Variants in CACNA2D3 observed in about 807,000 individuals in gnomAD.
CACNA2D3 encodes voltage-dependent calcium channel subunit alpha-2/delta-3.
In CACNA2D3, 60 loss-of-function variants were observed where a neutral mutation model predicts 160.6. That is an observed-to-expected ratio of 0.37 (90% CI 0.30 to 0.46). CACNA2D3 has a LOEUF of 0.46. CACNA2D3 is among the 20% of genes least tolerant of loss of function. The pLI is 1.00. For synonymous variants in CACNA2D3, 558 were observed against 492.9 expected, an observed-to-expected ratio of 1.13 and a Z score of -1.75; for missense variants, 1,205 against 1,365.0, an observed-to-expected ratio of 0.88 and a Z score of 1.85.
intron 35 of CACNA2D3, among the ~76,000 whole-genome samples, chr3:55,034,663 A>G (rs779885722): frequency 2.6e-5 from 4 of 152,052 alleles, no homozygotes; most frequent in Admixed American, 6.6e-5. Flanking sequence ...GAACAATATT[A>G]TAAATACTAT....
chr3:54,424,065 G>A (rs1002172686), intron 4 of CACNA2D3, among the ~76,000 whole-genome samples: 2 of 151,854 alleles, frequency 1.3e-5, no homozygotes, highest in African/African-American at 2.4e-5. Context: ...ATGTTTTCCG[G>A]GTTTTTGTTT....
chr3:54,950,568 T>G lies in CACNA2D3; in HGVS notation c.2450-17882T>G, dbSNP rs1322528833. Among the ~76,000 whole-genome samples, 3 of 152,150 alleles carry G rather than the reference T, an allele frequency of 2.0e-5. No individual in the cohort carries two copies. In the East Asian group the frequency reaches 5.8e-4, roughly 29 times the overall value. The stretch of plus-strand genomic sequence containing the variant: ...TCCTGTTTCCCAGCCTACCAGCAAT[T>G]CAAAGAATGCTGCTTGATCAAAGAA... On this transcript the variant is annotated intron_variant, in intron 27 of 37. Transcript: ENST00000474759.
intron 27 of CACNA2D3, 149 bp downstream of exon 27, chr3:54,900,017 C>T: frequency 1.6e-6 from 1 of 630,000 alleles, no homozygotes. Flanking sequence ...AGCTTGGTGT[C>T]ATCTCCTTCA....
chr3:55,005,262 C>T (rs58989399), intron 32 of CACNA2D3, among the ~76,000 whole-genome samples: 1,582 of 151,748 alleles, frequency 0.01, 34 homozygotes, highest in African/African-American at 0.037. Context: ...GGCAACAGAG[C>T]GAGCCTGCCT....
In CACNA2D3 at chr3:54,752,809, A is replaced by G. The variant is rs1701887519; in HGVS notation, c.1246+132A>G. The G allele has an allele frequency of 8.3e-6, 5 of 601,768 alleles. No individual in the cohort carries two copies. In the East Asian group the frequency reaches 1.4e-4, roughly 17 times the overall value. The allele number at this position is 601,768 out of a possible 1,614,324, so 37.3% of individuals were successfully genotyped here. A position where few individuals can be genotyped will look rare whatever the true frequency, so the allele number is the denominator to read the frequency against. Reference sequence around the variant, plus strand: ...TGGGTATATCTAAGTGATTACTGATAGACTTGTAACGGTTTCTTCCAAATT... The same window carrying G: ...TGGGTATATCTAAGTGATTACTGATGGACTTGTAACGGTTTCTTCCAAATT... On this transcript the variant is annotated intron_variant, in intron 12 of 37. Transcript: ENST00000474759.
chr3:54,987,774 T>A, intron 31 of CACNA2D3, 21 bp downstream of exon 31: 1 of 1,558,318 alleles, frequency 6.4e-7, no homozygotes, highest in Non-Finnish European at 8.7e-7. Context: ...TATGGTCCAC[T>A]GCATTCCCCC....
At chr3:54,176,759 A>AT (rs921442933) in intron 2 of CACNA2D3, among the ~76,000 whole-genome samples, 80 of 149,884 alleles carry the variant, frequency 5.3e-4, no homozygotes, top group East Asian at 2.9e-3. Context: ...TCCTTTGTTG[A>AT]TTTTTTTTTT....
At chr3:54,337,474 T>C (rs912189108) in intron 3 of CACNA2D3, among the ~76,000 whole-genome samples, 1 of 152,190 alleles carries the variant, frequency 6.6e-6, no homozygotes, top group Non-Finnish European at 1.5e-5. Context: ...TTAAAATGGA[T>C]GCACTTTTAA....
At chr3:54,661,455 T>C (rs1004249898) in intron 11 of CACNA2D3, among the ~76,000 whole-genome samples, 5 of 152,326 alleles carry the variant, frequency 3.3e-5, no homozygotes, top group Middle Eastern at 3.4e-3. Context: ...GACATACTTA[T>C]TGAAATGTGT....
rs569022438 is a variant in CACNA2D3, at chr3:54,866,960, C to T, written c.1627-4579C>T. On this transcript the variant is annotated intron_variant, in intron 17 of 37. Coordinates refer to ENST00000474759, the MANE Select transcript of CACNA2D3 (RefSeq NM_018398.3). ...ATATCTTTCCTTATTAAACTCTCCCCCACAGATTTTTTTCGTAAAACAGGC... is the reference window on the plus strand; with the variant it reads ...ATATCTTTCCTTATTAAACTCTCCCTCACAGATTTTTTTCGTAAAACAGGC... Among the ~76,000 whole-genome samples the T allele has an allele frequency of 4.7e-4, 72 of 152,342 alleles. 2 individuals carry two copies. In the South Asian group the frequency reaches 0.014, roughly 30 times the overall value.
In CACNA2D3 at chr3:54,816,743, C is replaced by G; in HGVS notation, c.1381-110C>G. 2.5e-6 allele frequency: 3 copies of G among 1,180,088 alleles called. No individual in the cohort carries two copies. The South Asian group carries it at 4.1e-5, about 16-fold the overall frequency. The allele number at this position is 1,180,088 out of a possible 1,614,324, so 73.1% of individuals were successfully genotyped here. On this transcript the variant is annotated intron_variant, in intron 13 of 37. Coordinates refer to ENST00000474759, the MANE Select transcript of CACNA2D3 (RefSeq NM_018398.3). ...TTTACCTCTTTTTCACTTGTCTCCC[C>G]ATTTTGGTTTCTCCATTTGCAAATG...
At chr3:54,822,805 T>C (rs1387857102) in intron 14 of CACNA2D3, among the ~76,000 whole-genome samples, 1 of 118,032 alleles carries the variant, frequency 8.5e-6, no homozygotes, top group African/African-American at 3.9e-5. Flanking sequence ...CTTTCTTTCT[T>C]TCTTTCTTTC....
At chr3:55,043,321 CCT>C (rs903753449) in intron 35 of CACNA2D3, among the ~76,000 whole-genome samples, 1 of 148,414 alleles carries the variant, frequency 6.7e-6, no homozygotes, top group Non-Finnish European at 1.5e-5. Flanking sequence ...TCCCTCCCTC[CCT>C]CTCTTTCTTT....
intron 27 of CACNA2D3, among the ~76,000 whole-genome samples, chr3:54,911,035 G>T (rs1397775620): frequency 6.6e-6 from 1 of 152,028 alleles, no homozygotes; most frequent in African/African-American, 2.4e-5. Context: ...CCTTCAATTT[G>T]CCAATCCACA....
chr3:54,509,202 A>G (rs368850974), intron 5 of CACNA2D3, among the ~76,000 whole-genome samples: 2 of 152,298 alleles, frequency 1.3e-5, no homozygotes, highest in East Asian at 1.9e-4. Flanking sequence ...GAGCTATTTG[A>G]TGTGCAAGAA....
intron 14 of CACNA2D3, among the ~76,000 whole-genome samples, chr3:54,818,880 G>A (rs145209336): frequency 6.6e-6 from 1 of 152,312 alleles, no homozygotes; most frequent in East Asian, 1.9e-4. Flanking sequence ...ACACTTTGGG[G>A]GTAGTTTGCG....
intron 12 of CACNA2D3, among the ~76,000 whole-genome samples, chr3:54,763,945 T>C (rs1702169371): frequency 6.9e-6 from 1 of 145,960 alleles, no homozygotes; most frequent in African/African-American, 2.5e-5. Flanking sequence ...TCCAAAGAAT[T>C]AACAGGAACT....
intron 8 of CACNA2D3, among the ~76,000 whole-genome samples, chr3:54,570,538 C>T (rs771601624): frequency 6.6e-6 from 1 of 152,104 alleles, no homozygotes; most frequent in Non-Finnish European, 1.5e-5. Flanking sequence ...AATGAAGCAA[C>T]TAAAATATGG....
chr3:54,572,364 G>A (rs1176247986), intron 8 of CACNA2D3, among the ~76,000 whole-genome samples: 1 of 152,216 alleles, frequency 6.6e-6, no homozygotes, highest in Admixed American at 6.5e-5. Context: ...TTTGTTGAAT[G>A]AATAATAACC....
Sources: allele counts gnomAD v4.1 joint callset (sites outside exome capture counted in the v4.1 genomes callset), GRCh38; gene constraint gnomAD v4.1.1; transcripts MANE v1.5; gene names NCBI Gene and HGNC (gene_info 2026-07-23, HGNC 2026-07-21).